Variants in FRAS1 observed in about 807,000 individuals in gnomAD.
FRAS1 encodes extracellular matrix organizing protein FRAS1.
FRAS1 carries 290 observed loss-of-function variants against 435.2 expected under a neutral mutation model. That is an observed-to-expected ratio of 0.67 (90% CI 0.61 to 0.73). FRAS1 has a LOEUF of 0.73. FRAS1 is among the 30% of genes least tolerant of loss of function. FRAS1 has a pLI of 0.00. For missense variants in FRAS1, 4,860 were observed against 5,001.5 expected (o/e 0.97, Z 0.85); for synonymous variants, 1,800 against 1,851.0 (o/e 0.97, Z 0.71).
chr4:78,126,954 T>G (rs767795889), intron 2 of FRAS1, among the ~76,000 whole-genome samples: 2 of 152,196 alleles, frequency 1.3e-5, no homozygotes, highest in African/African-American at 4.8e-5. Context: ...GCCCCAACCA[T>G]TTATTCATTT....
intron 26 of FRAS1, among the ~76,000 whole-genome samples, chr4:78,376,943 G>A (rs1379536473): frequency 2.0e-5 from 3 of 152,060 alleles, no homozygotes; most frequent in African/African-American, 7.2e-5. Flanking sequence ...GTGGTGAGCC[G>A]AGATCATGCC....
intron 2 of FRAS1, among the ~76,000 whole-genome samples, chr4:78,165,747 C>A (rs1721310361): frequency 6.6e-6 from 1 of 152,116 alleles, no homozygotes; most frequent in South Asian, 2.1e-4. Flanking sequence ...GCTTGCATGT[C>A]TAGGAGATGA....
At chr4:78,406,226 T>A (rs1733088883) in intron 30 of FRAS1, among the ~76,000 whole-genome samples, 1 of 152,238 alleles carries the variant, frequency 6.6e-6, no homozygotes, top group Non-Finnish European at 1.5e-5. Context: ...CTTCTAACGT[T>A]ATTAAACTCT....
At position 78,519,390 on chromosome 4, in the gene FRAS1, C is replaced by T. The variant is rs760436564; in HGVS notation, c.10449C>T (p.Ile3483=). The T allele has an allele frequency of 2.4e-5, 39 of 1,609,942 alleles. No homozygotes were observed. Among genetic ancestry groups the T allele is most frequent in the Non-Finnish European group, 3.2e-5 (38 of 1,178,620 alleles). The change falls in exon 67 of 74, where the codon ATC becomes ATT. Residue 3483 remains isoleucine, a synonymous_variant. Transcript: ENST00000512123. Reference sequence around the variant, plus strand: ...ACGTGCCTCTATATGTGTCCTACATCTATGTGACAGCCCCCAGGGGCTGGG... The same window carrying T: ...ACGTGCCTCTATATGTGTCCTACATTTATGTGACAGCCCCCAGGGGCTGGG... The part of the protein sequence containing the change: ...TVHVPLYVSY[I]YVTAPRGWAS...
chr4:78,526,666 A>C lies in FRAS1; in HGVS notation c.10925+9A>C. 1 of 1,476,294 alleles carries C rather than the reference A, an allele frequency of 6.8e-7. No homozygotes were observed. Among genetic ancestry groups the C allele is most frequent in the Non-Finnish European group, 9.2e-7 (1 of 1,092,596 alleles). 91.4% of individuals were successfully genotyped at this position (1,476,294 alleles called of 1,614,324 possible). A position where few individuals can be genotyped will look rare whatever the true frequency, so the allele number is the denominator to read the frequency against. ...GCACATGCCCCAGAAAGGTAGGAAA[A>C]TATAGTCAATCCTCATTATTTGTTG... On this transcript the variant is annotated intron_variant, in intron 70 of 73. Transcript: ENST00000512123.
intron 22 of FRAS1, among the ~76,000 whole-genome samples, chr4:78,365,966 G>A (rs953559733): frequency 1.3e-4 from 18 of 139,554 alleles, no homozygotes; most frequent in Non-Finnish European, 1.4e-4. Context: ...GTCTGTCTCA[G>A]AAAAAAAAAA....
intron 2 of FRAS1, among the ~76,000 whole-genome samples, chr4:78,119,573 C>T (rs1019027476): frequency 1.8e-4 from 27 of 152,144 alleles, no homozygotes; most frequent in Non-Finnish European, 2.2e-4. Context: ...ATCACATTTT[C>T]TTTATCCATT....
At chr4:78,409,474 C>T (rs1005944685) in intron 31 of FRAS1, among the ~76,000 whole-genome samples, 10 of 151,832 alleles carry the variant, frequency 6.6e-5, no homozygotes, top group African/African-American at 2.2e-4. Context: ...GCCAGAGAAC[C>T]GCAAGGGAAA....
At chr4:78,295,278 G>A (rs1232222474) in intron 14 of FRAS1, among the ~76,000 whole-genome samples, 3 of 152,056 alleles carry the variant, frequency 2.0e-5, no homozygotes, top group Admixed American at 6.6e-5. Flanking sequence ...CGGGTCCAAA[G>A]GTTTATGTAC....
At chr4:78,344,339 C>T (rs567836929) in intron 20 of FRAS1, among the ~76,000 whole-genome samples, 84 of 152,070 alleles carry the variant, frequency 5.5e-4, no homozygotes, top group Middle Eastern at 3.4e-3. Flanking sequence ...CAATGATCCT[C>T]GAAGGTAGGT....
intron 14 of FRAS1, among the ~76,000 whole-genome samples, chr4:78,290,270 G>A (rs776061172): frequency 3.0e-4 from 46 of 152,104 alleles, no homozygotes; most frequent in Admixed American, 1.3e-4. Context: ...TCAATGTTTT[G>A]TTTGTCTACT....
intron 35 of FRAS1, among the ~76,000 whole-genome samples, chr4:78,425,172 C>T (rs1343395286): frequency 6.6e-6 from 1 of 151,584 alleles, no homozygotes; most frequent in Admixed American, 6.6e-5. Context: ...ATAATCATTA[C>T]TATATTATAC....
chr4:78,312,235 T>C (rs1214225991), intron 15 of FRAS1, among the ~76,000 whole-genome samples: 1 of 148,366 alleles, frequency 6.7e-6, no homozygotes, highest in African/African-American at 2.5e-5. Context: ...TTTTTTCCAT[T>C]TCACGATCCA....
intron 2 of FRAS1, among the ~76,000 whole-genome samples, chr4:78,119,199 T>C (rs1174393551): frequency 6.6e-6 from 1 of 152,190 alleles, no homozygotes; most frequent in East Asian, 1.9e-4. Flanking sequence ...GAACATTGAA[T>C]ATCCTCATTC....
At chr4:78,526,782 C>T (rs534264750) in intron 70 of FRAS1, 125 bp downstream of exon 70, 13 of 618,734 alleles carry the variant, frequency 2.1e-5, no homozygotes, top group Non-Finnish European at 3.4e-5. Context: ...CTGACATGCA[C>T]AGCAGAGTCA....
At chr4:78,492,993 G>A (rs1026454068) in intron 59 of FRAS1, among the ~76,000 whole-genome samples, 1 of 152,154 alleles carries the variant, frequency 6.6e-6, no homozygotes, top group African/African-American at 2.4e-5. Context: ...AGTAGGCAAA[G>A]GATATGAACA....
chr4:78,499,586 C>A, intron 60 of FRAS1, 135 bp from the exon 61 acceptor site: 1 of 694,538 alleles, frequency 1.4e-6, no homozygotes, highest in East Asian at 2.7e-5. Context: ...AGTTTTATGA[C>A]TGCAAGCCAT....
intron 2 of FRAS1, among the ~76,000 whole-genome samples, chr4:78,124,732 T>C (rs1001095490): frequency 9.2e-5 from 14 of 152,206 alleles, no homozygotes; most frequent in Non-Finnish European, 1.8e-4. Flanking sequence ...AATTTATCCA[T>C]TTCTTCTAGA....
Position 78,407,838 on chromosome 4 carries a change from C to T in FRAS1, c.4305C>T (p.Phe1435=), listed in dbSNP as rs368963172. ...CAGCCCAGAGCGACTCCTTCCGCTT[C>T]GAGGTACCCTCTGCTTCCTGACTTT... ...GAPAQSDSFR[F]EVSSASNAQT... The change falls in exon 31 of 74, where the codon TTC becomes TTT. Residue 1435 remains phenylalanine, a synonymous_variant. Coordinates refer to ENST00000512123, the MANE Select transcript of FRAS1 (RefSeq NM_025074.7). 100 of 1,593,872 alleles carry T rather than the reference C, an allele frequency of 6.3e-5. No individual in the cohort carries two copies. The highest frequency in any genetic ancestry group is 2.4e-4 in the Admixed American group (14 of 57,728).
Sources: gnomAD v4.1 joint callset for allele counts (sites outside exome capture counted in the v4.1 genomes callset) on GRCh38, gnomAD v4.1.1 for gene constraint, MANE v1.5 for transcripts, NCBI Gene and HGNC (gene_info 2026-07-23, HGNC 2026-07-21) for gene names.